Variants in NALCN observed in about 807,000 individuals in gnomAD.
NALCN encodes the protein sodium leak channel, non-selective, also known as sodium leak channel NALCN.
A neutral mutation model predicts 225.3 loss-of-function variants in NALCN; 111 were observed. That is an observed-to-expected ratio of 0.49 (90% CI 0.42 to 0.58). The LOEUF is 0.58. Ranked by LOEUF, NALCN falls within the 20% of genes least tolerant of loss-of-function variation. The pLI, the probability that NALCN is intolerant of heterozygous loss-of-function variation, is 0.00. For synonymous variants in NALCN, 764 were observed against 769.0 expected, an observed-to-expected ratio of 0.99 and a Z score of 0.11; for missense variants, 1,378 against 2,202.4, an observed-to-expected ratio of 0.63 and a Z score of 7.49.
At chr13:101,381,842 CT>C (rs1275543641) in intron 3 of NALCN, among the ~76,000 whole-genome samples, 2 of 148,786 alleles carry the variant, frequency 1.3e-5, no homozygotes, top group African/African-American at 4.9e-5. Flanking sequence ...ATGTTTTTTA[CT>C]TGTGTGTTAG....
At chr13:101,412,807 C>T (rs2047828881) in intron 1 of NALCN, among the ~76,000 whole-genome samples, 1 of 152,138 alleles carries the variant, frequency 6.6e-6, no homozygotes. Context: ...ACTATGTAAG[C>T]CCTTTTGATC....
intron 7 of NALCN, among the ~76,000 whole-genome samples, chr13:101,336,408 G>A (rs931276049): frequency 8.6e-5 from 13 of 152,036 alleles, no homozygotes; most frequent in East Asian, 3.9e-4. Flanking sequence ...TCATAATTAC[G>A]TTCTTCAGAA....
At chr13:101,369,098 A>G (rs749399494) in intron 6 of NALCN, 2 of 264,748 alleles carry the variant, frequency 7.6e-6, no homozygotes, top group Non-Finnish European at 1.5e-5. Flanking sequence ...CATTACTACC[A>G]TGTGGCTAGT....
In NALCN at chr13:101,234,986, A is replaced by G. The variant is rs183279303; in HGVS notation, c.1434+2769T>C. ...TGATGACAAGAGTAGGAAACTAGAG[A>G]TGATTAATAATTTGTAATAAATTGG... On this transcript the variant is annotated intron_variant, in intron 12 of 43. Coordinates refer to ENST00000251127, the MANE Select transcript of NALCN (RefSeq NM_052867.4). Among the ~76,000 whole-genome samples the G allele has an allele frequency of 1.4e-3, 212 of 152,146 alleles. 1 individual carries two copies. Among genetic ancestry groups the G allele is most frequent in the Middle Eastern group, 0.01 (3 of 290 alleles).
At chr13:101,153,019 C>CACACAA (rs1321738597) in intron 15 of NALCN, among the ~76,000 whole-genome samples, 1 of 152,148 alleles carries the variant, frequency 6.6e-6, no homozygotes, top group African/African-American at 2.4e-5. Flanking sequence ...CACTTACACA[C>CACACAA]ACACAAACAC....
intron 7 of NALCN, among the ~76,000 whole-genome samples, chr13:101,331,388 T>C (rs57107941): frequency 9.9e-5 from 15 of 152,170 alleles, no homozygotes; most frequent in African/African-American, 3.4e-4. Context: ...GTATAAAAAT[T>C]ATAGATGTTG....
rs544945143 is a variant in NALCN, at chr13:101,309,250, A to T, written c.800-16884T>A. Among the ~76,000 whole-genome samples the T allele has an allele frequency of 3.9e-5, 6 of 152,316 alleles. No homozygotes were observed. The South Asian group carries it at 1.2e-3, about 32-fold the overall frequency. On this transcript the variant is annotated intron_variant, in intron 7 of 43. Transcript: ENST00000251127. ...AATACACACACACACACAATTCAACATTACTAAACTCAGACATACCAAAGA... is the reference window on the plus strand; with the variant it reads ...AATACACACACACACACAATTCAACTTTACTAAACTCAGACATACCAAAGA...
Position 101,068,781 on chromosome 13 carries a change from G to C in NALCN, c.4244C>G (p.Thr1415Arg). Residue 1415 changes from threonine (T) to arginine (R), a missense_variant, in exon 38 of 44, where the codon ACA becomes AGA. By Grantham distance (71) the Thr-to-Arg change is moderately conservative (BLOSUM62 -1). Coordinates refer to ENST00000251127, the MANE Select transcript of NALCN (RefSeq NM_052867.4). ...CTPDEFTYWA[T>R]DCGNYAGALM... Reference sequence around the variant, plus strand: ...TGCCCCAGCATAATTTCCACAGTCTGTTGCCCAGTATGTAAATTCATCTGG... The same window carrying C: ...TGCCCCAGCATAATTTCCACAGTCTCTTGCCCAGTATGTAAATTCATCTGG... 1 of 1,612,764 alleles carries C rather than the reference G, an allele frequency of 6.2e-7. No homozygotes were observed. The highest frequency in any genetic ancestry group is 1.1e-5 in the South Asian group (1 of 90,666).
intron 7 of NALCN, among the ~76,000 whole-genome samples, chr13:101,322,715 T>C (rs1340657227): frequency 6.6e-6 from 1 of 152,144 alleles, no homozygotes; most frequent in African/African-American, 2.4e-5. Context: ...GTGGTTTTTT[T>C]ATTTTTTATT....
intron 13 of NALCN, 112 bp downstream of exon 13, chr13:101,229,281 T>G: frequency 9.5e-7 from 1 of 1,050,696 alleles, no homozygotes; most frequent in Non-Finnish European, 1.3e-6. Flanking sequence ...TCCCAAGTTA[T>G]CAAAAATAGG....
At chr13:101,157,093 C>G (rs2037941463) in intron 15 of NALCN, among the ~76,000 whole-genome samples, 1 of 152,164 alleles carries the variant, frequency 6.6e-6, no homozygotes, top group Non-Finnish European at 1.5e-5. Context: ...CAGTAACAAT[C>G]TAACAAAATT....
chr13:101,317,838 T>C (rs527329683), intron 7 of NALCN, among the ~76,000 whole-genome samples: 2 of 152,220 alleles, frequency 1.3e-5, no homozygotes, highest in African/African-American at 4.8e-5. Context: ...ATAAATGTTA[T>C]GTGCATTTAT....
At chr13:101,105,938 G>A (rs1012528806) in intron 22 of NALCN, among the ~76,000 whole-genome samples, 2 of 152,156 alleles carry the variant, frequency 1.3e-5, no homozygotes, top group African/African-American at 4.8e-5. Context: ...TGTTATAATA[G>A]TGTGTATTAG....
chr13:101,176,291 A>T lies in NALCN; in HGVS notation c.1839+9T>A. ...CCTTTTTAAAAAAAATCCCCCACAC[A>T]CTACTTACTTGTTTAAGCTTCTTTA... On this transcript the variant is annotated intron_variant, in intron 15 of 43. Transcript: ENST00000251127. 6.5e-7 allele frequency: 1 copy of T among 1,533,670 alleles called. No individual in the cohort carries two copies. Among genetic ancestry groups the T allele is most frequent in the Non-Finnish European group, 8.7e-7 (1 of 1,146,498 alleles).
intron 34 of NALCN, among the ~76,000 whole-genome samples, chr13:101,079,574 C>G (rs767015715): frequency 1.3e-5 from 2 of 152,224 alleles, no homozygotes; most frequent in Non-Finnish European, 2.9e-5. Context: ...CACAGGAACA[C>G]AGGCTCTCCT....
At chr13:101,404,677 G>A (rs1459502730) in intron 1 of NALCN, among the ~76,000 whole-genome samples, 4 of 152,148 alleles carry the variant, frequency 2.6e-5, no homozygotes, top group Non-Finnish European at 5.9e-5. Context: ...ATTTTTCCAT[G>A]CATACATTTA....
At chr13:101,077,444 T>C (rs555459064) in intron 34 of NALCN, among the ~76,000 whole-genome samples, 2 of 152,180 alleles carry the variant, frequency 1.3e-5, no homozygotes, top group East Asian at 1.9e-4. Context: ...AAAATACTGA[T>C]AGTGATATGG....
chr13:101,111,104 C>G (rs889964902), intron 19 of NALCN, 21 bp downstream of exon 19: 11 of 1,592,582 alleles, frequency 6.9e-6, no homozygotes, highest in Non-Finnish European at 9.5e-6. Context: ...TCTCTGAAGC[C>G]CTGTCTTCCC....
chr13:101,383,910 C>T (rs2046916892), intron 3 of NALCN, among the ~76,000 whole-genome samples: 1 of 152,154 alleles, frequency 6.6e-6, no homozygotes, highest in Admixed American at 6.5e-5. Context: ...AAATTACTAT[C>T]ATATTAATCA....
Sources: allele counts gnomAD v4.1 joint callset (sites outside exome capture counted in the v4.1 genomes callset), GRCh38; gene constraint gnomAD v4.1.1; transcripts MANE v1.5; gene names NCBI Gene and HGNC (gene_info 2026-07-23, HGNC 2026-07-21).